The following RANBP2 variants were observed in gnomAD, a reference collection of about 807,000 sequenced individuals.
The protein encoded by RANBP2 is E3 SUMO-protein ligase RanBP2.
RANBP2 carries 57 observed loss-of-function variants against 303.6 expected under a neutral mutation model. The ratio of observed to expected loss-of-function variants is 0.19; its 90% CI spans 0.15 to 0.23. The LOEUF (loss-of-function observed/expected upper bound fraction) is 0.23. Among genes scored for constraint, RANBP2 ranks in the 10% least tolerant of loss-of-function variants. The pLI, the probability that RANBP2 is intolerant of heterozygous loss-of-function variation, is 1.00. For missense variants in RANBP2, 3,138 were observed against 3,780.8 expected (o/e 0.83, Z 4.46); for synonymous variants, 1,167 against 1,301.5 (o/e 0.90, Z 2.23).
chr2:109,237,153 A>G, the RANBP2 span, among the ~76,000 whole-genome samples: 1 of 152,246 alleles, frequency 6.6e-6, no homozygotes, highest in East Asian at 1.9e-4. Context: ...TAGATTTTAA[A>G]GAGTTAATAT....
the RANBP2 span, among the ~76,000 whole-genome samples, chr2:109,260,089 A>G: frequency 4.6e-5 from 7 of 152,034 alleles, no homozygotes; most frequent in Admixed American, 6.5e-5. Context: ...TACCTTTTTG[A>G]GAGTAGAGAG....
At chr2:109,762,415 G>T in the RANBP2 span, among the ~76,000 whole-genome samples, 12 of 150,312 alleles carry the variant, frequency 8.0e-5, 1 homozygote, top group Admixed American at 5.5e-4. Context: ...TTAAAAGGCA[G>T]TTTTTCAGTC....
chr2:108,816,043 G>A, the RANBP2 span: 1 of 1,613,498 alleles, frequency 6.2e-7, no homozygotes, highest in African/African-American at 1.3e-5. Flanking sequence ...TGGAATGGAT[G>A]GTAAAAAACC....
the RANBP2 span, among the ~76,000 whole-genome samples, chr2:108,859,706 T>C: frequency 3.3e-5 from 5 of 152,178 alleles, no homozygotes; most frequent in Admixed American, 3.3e-4. Flanking sequence ...ACTATAGCCT[T>C]GTAGTATAGT....
chr2:108,788,219 G>A (rs888533558), downstream of RANBP2: 2 of 830,164 alleles, frequency 2.4e-6, no homozygotes, highest in African/African-American at 1.8e-5. Context: ...AGGAGTTCGA[G>A]ACCACTCAGG....
At chr2:109,517,735 T>TC in the RANBP2 span, among the ~76,000 whole-genome samples, 1 of 152,064 alleles carries the variant, frequency 6.6e-6, no homozygotes, top group Non-Finnish European at 1.5e-5. Context: ...TGGGTGGGTG[T>TC]CCCAAGTGCC....
chr2:109,255,194 T>A, the RANBP2 span, among the ~76,000 whole-genome samples: 1 of 152,164 alleles, frequency 6.6e-6, no homozygotes, highest in Non-Finnish European at 1.5e-5. Context: ...CATTTCACTT[T>A]CCTAATCAAT....
At chr2:109,314,229 T>C in the RANBP2 span, among the ~76,000 whole-genome samples, 3 of 152,162 alleles carry the variant, frequency 2.0e-5, no homozygotes, top group East Asian at 5.8e-4. Context: ...GGGTCATGTA[T>C]ATTTAATGCT....
At chr2:109,332,405 C>T in the RANBP2 span, among the ~76,000 whole-genome samples, 1 of 152,140 alleles carries the variant, frequency 6.6e-6, no homozygotes, top group Admixed American at 6.5e-5. Flanking sequence ...CCCGCGACTC[C>T]CCCAGCACCC....
At chr2:109,732,337 G>A in the RANBP2 span, among the ~76,000 whole-genome samples, 2 of 152,148 alleles carry the variant, frequency 1.3e-5, no homozygotes, top group African/African-American at 4.8e-5. Context: ...TTTGTTTACT[G>A]TGAAGCCCTT....
At chr2:109,610,220 T>G in the RANBP2 span, among the ~76,000 whole-genome samples, 1 of 151,870 alleles carries the variant, frequency 6.6e-6, no homozygotes, top group Non-Finnish European at 1.5e-5. Flanking sequence ...TCCCAAGTAG[T>G]TGGGACTACA....
the RANBP2 span, chr2:109,129,032 G>A: frequency 3.6e-5 from 15 of 413,956 alleles, no homozygotes; most frequent in Admixed American, 1.1e-4. Flanking sequence ...ATCCTCTGGA[G>A]GACAGCGACT....
At chr2:109,540,757 T>A in the RANBP2 span, among the ~76,000 whole-genome samples, 1 of 140,028 alleles carries the variant, frequency 7.1e-6, no homozygotes, top group African/African-American at 2.7e-5. Flanking sequence ...GCTATAACTG[T>A]GCCACTGCAC....
the RANBP2 span, among the ~76,000 whole-genome samples, chr2:109,232,792 T>G: frequency 6.6e-6 from 1 of 152,216 alleles, no homozygotes. Context: ...TAAACACAGC[T>G]GAGACTTCCA....
chr2:108,878,560 CAG>C, the RANBP2 span: 1 of 205,332 alleles, frequency 4.9e-6, no homozygotes, highest in Non-Finnish European at 1.0e-5. Flanking sequence ...TCTGGACAGT[CAG>C]ATATGTTTTA....
At chr2:108,896,517 C>A in the RANBP2 span, 1 of 192,142 alleles carries the variant, frequency 5.2e-6, no homozygotes, top group East Asian at 1.2e-4. Flanking sequence ...TTCCTTCTGT[C>A]TTCTACTGGA....
At chr2:108,773,646 ATTT>A (rs5833300) in intron 23 of RANBP2, among the ~76,000 whole-genome samples, 9 of 145,798 alleles carry the variant, frequency 6.2e-5, no homozygotes, top group Non-Finnish European at 7.6e-5. Flanking sequence ...CCCTCCAGGA[ATTT>A]TTTTTTTTTT....
the RANBP2 span, among the ~76,000 whole-genome samples, chr2:109,728,114 C>A: frequency 3.9e-5 from 6 of 152,152 alleles, no homozygotes; most frequent in Non-Finnish European, 8.8e-5. Flanking sequence ...GTGAGGAAGC[C>A]CAATAGCCTG....
Position 108,746,711 on chromosome 2 carries a change from G to A in RANBP2, c.976G>A (p.Val326Ile), listed in dbSNP as rs1410758494. The A allele has an allele frequency of 2.3e-6, 3 of 1,283,208 alleles. No homozygotes were observed. Among genetic ancestry groups the A allele is most frequent in the Non-Finnish European group, 3.2e-6 (3 of 943,206 alleles). The allele number at this position is 1,283,208 out of a possible 1,614,324, so 79.5% of individuals were successfully genotyped here. A position where few individuals can be genotyped will look rare whatever the true frequency, so the allele number is the denominator to read the frequency against. Reference protein sequence around the residue: ...AALCYLIAFQVPRPKIKLIKG... With the variant: ...AALCYLIAFQIPRPKIKLIKG... ...AGATTTTTGATTCTAAAATTATTAG[G>A]TTCCAAGACCAAAGATTAAATTAAT... Residue 326 changes from valine (V) to isoleucine (I), a missense_variant and splice_region_variant, in exon 8 of 29, where the codon GTT (valine) becomes ATT (isoleucine). Val to Ile is a conservative substitution (Grantham distance 29). Transcript: ENST00000283195.
Sources: allele counts gnomAD v4.1 joint callset (sites outside exome capture counted in the v4.1 genomes callset), GRCh38; gene constraint gnomAD v4.1.1; transcripts MANE v1.5; gene names NCBI Gene and HGNC (gene_info 2026-07-23, HGNC 2026-07-21).